The following HIBCH variants were observed in gnomAD, a reference collection of about 807,000 sequenced individuals.
The protein encoded by HIBCH is 3-hydroxyisobutyryl-CoA hydrolase, mitochondrial.
In HIBCH, 50 loss-of-function variants were observed where a neutral mutation model predicts 58.2. That is an observed-to-expected ratio of 0.86 (90% CI 0.68 to 1.09). HIBCH has a LOEUF of 1.09. Ranked by LOEUF, HIBCH falls within the 50% of genes least tolerant of loss-of-function variation. The pLI is 0.00. For missense variants in HIBCH, 450 were observed against 449.7 expected, an observed-to-expected ratio of 1.00 and a Z score of -0.01; for synonymous variants, 151 against 146.9, an observed-to-expected ratio of 1.03 and a Z score of -0.20.
chr2:190,316,120 A>G (rs1688705274), intron 1 of HIBCH, among the ~76,000 whole-genome samples: 1 of 152,198 alleles, frequency 6.6e-6, no homozygotes, highest in South Asian at 2.1e-4. Context: ...GGTATTGGTC[A>G]GCAGCATTTT....
chr2:190,242,268 T>C (rs1226350369), intron 11 of HIBCH, among the ~76,000 whole-genome samples: 1 of 151,806 alleles, frequency 6.6e-6, no homozygotes, highest in Non-Finnish European at 1.5e-5. Flanking sequence ...TACTCGTTCT[T>C]CAAGAAGATT....
chr2:190,278,070 T>C (rs1212482598), intron 6 of HIBCH, among the ~76,000 whole-genome samples: 3 of 152,178 alleles, frequency 2.0e-5, no homozygotes, highest in Admixed American at 6.5e-5. Flanking sequence ...TAACAAACTG[T>C]AGTCTGAACA....
At chr2:190,286,105 G>A (rs1265595961) in intron 6 of HIBCH, among the ~76,000 whole-genome samples, 1 of 152,044 alleles carries the variant, frequency 6.6e-6, no homozygotes, top group African/African-American at 2.4e-5. Flanking sequence ...GCCTCCCAAA[G>A]TGCTAGGATT....
At position 190,210,208 on chromosome 2, in the gene HIBCH, T is replaced by C. The variant is rs1445878533; in HGVS notation, c.1012-1295A>G. The stretch of plus-strand genomic sequence containing the variant: ...CTCCAACTTACTACACTCTAACTTC[T>C]GCCCCCACTCCTCTAAAATGGCTTG... On this transcript the variant is annotated intron_variant, in intron 12 of 13. Transcript: ENST00000359678. This position sits in a 1 kb window ranked among gnomAD's most constrained non-coding sequence, Gnocchi z 5.5. Among the ~76,000 whole-genome samples, 1 of 152,200 alleles carries C rather than the reference T, an allele frequency of 6.6e-6. No homozygotes were observed. Among genetic ancestry groups the C allele is most frequent in the Non-Finnish European group, 1.5e-5 (1 of 68,034 alleles).
intron 6 of HIBCH, among the ~76,000 whole-genome samples, chr2:190,283,418 A>G (rs1342313628): frequency 6.6e-6 from 1 of 152,214 alleles, no homozygotes; most frequent in Non-Finnish European, 1.5e-5. Flanking sequence ...GGCCATGTGC[A>G]TCAGGAATAA....
intron 6 of HIBCH, among the ~76,000 whole-genome samples, chr2:190,276,421 G>T (rs1687553278): frequency 6.6e-6 from 1 of 152,088 alleles, no homozygotes; most frequent in Non-Finnish European, 1.5e-5. Context: ...TTGGATATCT[G>T]TCCCCTCCAA....
intron 1 of HIBCH, among the ~76,000 whole-genome samples, chr2:190,314,346 TGTGTATATATACGTA>T (rs1688649707): frequency 3.2e-5 from 1 of 31,230 alleles, no homozygotes; most frequent in Non-Finnish European, 8.7e-5. Context: ...TACATATATA[TGTGTATATATACGTA>T]TATATATACG....
chr2:190,225,526 T>A (rs1427114043), intron 11 of HIBCH, among the ~76,000 whole-genome samples: 1 of 152,072 alleles, frequency 6.6e-6, no homozygotes, highest in Non-Finnish European at 1.5e-5. Flanking sequence ...CTAGAAGAAA[T>A]GGATAAATTC....
chr2:190,255,509 C>A (rs937976686), intron 7 of HIBCH, among the ~76,000 whole-genome samples: 1 of 152,164 alleles, frequency 6.6e-6, no homozygotes, highest in Non-Finnish European at 1.5e-5. Context: ...CCAGACTTAT[C>A]CCCCTACCTG....
chr2:190,211,363 C>A lies in HIBCH; in HGVS notation c.1011+1593G>T, dbSNP rs1315633751. 3.0e-4 allele frequency among the ~76,000 whole-genome samples: 46 copies of A among 152,160 alleles called. No individual in the cohort carries two copies. The highest frequency in any genetic ancestry group is 2.6e-3 in the Admixed American group (39 of 15,274). ...CAAATCCATTTACTTCTCTCAATTGCCACCATGCTTGTCTCAAAACTACTA... is the reference window on the plus strand; with the variant it reads ...CAAATCCATTTACTTCTCTCAATTGACACCATGCTTGTCTCAAAACTACTA... On this transcript the variant is annotated intron_variant, in intron 12 of 13. Transcript: ENST00000359678. This position sits in a 1 kb window ranked among gnomAD's most constrained non-coding sequence, Gnocchi z 5.0.
chr2:190,314,366 TATAC>T (rs1688654402), intron 1 of HIBCH, among the ~76,000 whole-genome samples: 2 of 92,010 alleles, frequency 2.2e-5, no homozygotes, highest in Non-Finnish European at 2.3e-5. Context: ...TACGTATATA[TATAC>T]GTATATATGT....
At position 190,306,938 on chromosome 2, in the gene HIBCH, G is replaced by C. The variant is rs149036147; in HGVS notation, c.78+3816C>G. 2.5e-3 allele frequency among the ~76,000 whole-genome samples: 377 copies of C among 152,270 alleles called. No individual in the cohort carries two copies. The highest frequency in any genetic ancestry group is 8.5e-3 in the African/African-American group (354 of 41,546). ...GGCCAACAAGGCTGTCTATTAACCAGGAAGCTGGCCATCACCAGACACCAA... is the reference window on the plus strand; with the variant it reads ...GGCCAACAAGGCTGTCTATTAACCACGAAGCTGGCCATCACCAGACACCAA... On this transcript the variant is annotated intron_variant, in intron 2 of 13. Coordinates refer to ENST00000359678, the MANE Select transcript of HIBCH (RefSeq NM_014362.4). The surrounding 1 kb of genome is among the most constrained non-coding windows in gnomAD (Gnocchi z 4.6).
chr2:190,270,941 T>A (rs1687379671), intron 6 of HIBCH, among the ~76,000 whole-genome samples: 1 of 152,182 alleles, frequency 6.6e-6, no homozygotes, highest in Non-Finnish European at 1.5e-5. Context: ...TGGGTATGTA[T>A]AATTCATGTT....
downstream of HIBCH, chr2:190,200,983 C>T (rs1334463431): frequency 6.0e-6 from 1 of 166,962 alleles, no homozygotes; most frequent in Non-Finnish European, 1.5e-5. Flanking sequence ...CTCAGAGGTA[C>T]AGAGGGCTGG....
At chr2:190,295,422 A>G (rs1405088603) in intron 3 of HIBCH, among the ~76,000 whole-genome samples, 1 of 152,208 alleles carries the variant, frequency 6.6e-6, no homozygotes, top group Non-Finnish European at 1.5e-5. Context: ...AATTTTTCCC[A>G]TAGGGACCCT....
chr2:190,294,416 G>A (rs1286323873), intron 4 of HIBCH, 130 bp downstream of exon 4: 1 of 666,628 alleles, frequency 1.5e-6, no homozygotes, highest in Non-Finnish European at 2.6e-6. Context: ...TTTTTCCTAA[G>A]AATGTATTAA....
At chr2:190,289,019 G>A (rs1296916001) in intron 5 of HIBCH, among the ~76,000 whole-genome samples, 1 of 152,126 alleles carries the variant, frequency 6.6e-6, no homozygotes, top group African/African-American at 2.4e-5. Context: ...GCTGAGGCAG[G>A]AGAATCACTT....
chr2:190,215,002 G>A lies in HIBCH; in HGVS notation c.892-1927C>T, dbSNP rs1306255858. 6.6e-6 allele frequency: 1 copy of A among 152,228 alleles called. No homozygotes were observed. Among genetic ancestry groups the A allele is most frequent in the Middle Eastern group, 3.2e-3 (1 of 316 alleles). The allele number at this position is 152,228 out of a possible 1,614,324, so 9.4% of individuals were successfully genotyped here. A position where few individuals can be genotyped will look rare whatever the true frequency, so the allele number is the denominator to read the frequency against. ...CTTAGAGAAGTCCCTATGGGACAGGGAGGAGTTGGGTTTGTGAATGCACCT... is the reference window on the plus strand; with the variant it reads ...CTTAGAGAAGTCCCTATGGGACAGGAAGGAGTTGGGTTTGTGAATGCACCT... On this transcript the variant is annotated intron_variant, in intron 11 of 13. Transcript: ENST00000359678. The surrounding 1 kb of genome is among the most constrained non-coding windows in gnomAD (Gnocchi z 4.4).
intron 11 of HIBCH, among the ~76,000 whole-genome samples, chr2:190,228,488 C>CAT (rs1685983335): frequency 6.6e-6 from 1 of 151,560 alleles, no homozygotes; most frequent in Admixed American, 6.6e-5. Context: ...CAACATGGCA[C>CAT]ATATACAAAA....
Sources: gnomAD v4.1 joint callset for allele counts (sites outside exome capture counted in the v4.1 genomes callset) on GRCh38, gnomAD v4.1.1 for gene constraint, Gnocchi (gnomAD v3.1) non-coding constraint, MANE v1.5 for transcripts, NCBI Gene and HGNC (gene_info 2026-07-23, HGNC 2026-07-21) for gene names.